The following VWA8 variants were observed in gnomAD, a reference collection of about 807,000 sequenced individuals.
VWA8 encodes von Willebrand factor A domain containing 8.
In VWA8, 221 loss-of-function variants were observed where a neutral mutation model predicts 241.5. That is an observed-to-expected ratio of 0.91 (90% CI 0.82 to 1.02). The LOEUF (loss-of-function observed/expected upper bound fraction) is 1.02. Among genes scored for constraint, VWA8 ranks in the 50% least tolerant of loss-of-function variants. The pLI is 0.00. For missense variants in VWA8, 2,322 were observed against 2,328.7 expected (o/e 1.00, Z 0.06); for synonymous variants, 852 against 827.1 (o/e 1.03, Z -0.52).
At chr13:41,919,490 G>C (rs1343713310) in intron 2 of VWA8, among the ~76,000 whole-genome samples, 3 of 152,096 alleles carry the variant, frequency 2.0e-5, no homozygotes, top group Admixed American at 2.0e-4. Flanking sequence ...CTGCTCCAGT[G>C]CATCCTGTTC....
chr13:41,587,757 G>T (rs867935009), intron 41 of VWA8, 87 bp from the exon 42 acceptor site: 1 of 1,528,044 alleles, frequency 6.5e-7, no homozygotes, highest in African/African-American at 1.4e-5. Flanking sequence ...AAGCTCCAGC[G>T]TGCCAGCCCC....
intron 37 of VWA8, among the ~76,000 whole-genome samples, chr13:41,626,320 C>T (rs2044690698): frequency 6.6e-6 from 1 of 152,056 alleles, no homozygotes; most frequent in Non-Finnish European, 1.5e-5. Flanking sequence ...GAAGACTCAA[C>T]ATTGTTAAAA....
intron 2 of VWA8, chr13:41,926,857 T>C: frequency 3.5e-6 from 2 of 577,032 alleles, no homozygotes; most frequent in South Asian, 2.8e-5. Flanking sequence ...CTTAATGATA[T>C]CTGTGTGGCA....
intron 4 of VWA8, among the ~76,000 whole-genome samples, chr13:41,901,423 T>C (rs529847933): frequency 2.7e-4 from 41 of 152,206 alleles, no homozygotes; most frequent in Non-Finnish European, 5.1e-4. Flanking sequence ...ATCTGTAAGA[T>C]GGAAAAGTCA....
intron 1 of VWA8, among the ~76,000 whole-genome samples, chr13:41,959,492 G>GC (rs1491558068): frequency 4.6e-4 from 14 of 30,112 alleles, no homozygotes; most frequent in Non-Finnish European, 9.6e-4. Flanking sequence ...TTGAGAAAAA[G>GC]CAAAAAAAAA....
chr13:41,582,110 T>G (rs895098095), intron 42 of VWA8, among the ~76,000 whole-genome samples: 1 of 152,170 alleles, frequency 6.6e-6, no homozygotes, highest in East Asian at 1.9e-4. Flanking sequence ...GTGAATGCTA[T>G]TCCCGGGAAT....
rs141042149 is a variant in VWA8, at chr13:41,754,820, A to G, written c.2426+6308T>C. 7.1e-3 allele frequency among the ~76,000 whole-genome samples: 1,083 copies of G among 152,094 alleles called. 9 individuals are homozygous for G. Among genetic ancestry groups the G allele is most frequent in the Middle Eastern group, 0.024 (7 of 294 alleles). ...TATCTCCACGAGTTCAATTGTTTTA[A>G]TTTTTAGCTCTTACAAATAAGTGAA... On this transcript the variant is annotated intron_variant, in intron 21 of 44. Transcript: ENST00000379310.
intron 22 of VWA8, among the ~76,000 whole-genome samples, chr13:41,730,436 A>G (rs2045473302): frequency 6.6e-6 from 1 of 151,248 alleles, no homozygotes; most frequent in Non-Finnish European, 1.5e-5. Flanking sequence ...TCTGGTGACA[A>G]TATGCGGAAT....
intron 9 of VWA8, among the ~76,000 whole-genome samples, chr13:41,870,894 A>C (rs1873569011): frequency 2.0e-5 from 3 of 152,202 alleles, no homozygotes; most frequent in Non-Finnish European, 4.4e-5. Context: ...GAATACACTA[A>C]GATAGTAAAA....
rs567317170 is a variant in VWA8 at position 41,779,003 on chromosome 13, G to A, written c.2278-947C>T. 3.3e-5 allele frequency among the ~76,000 whole-genome samples: 5 copies of A among 150,406 alleles called. No individual in the cohort carries two copies. The East Asian group carries it at 7.8e-4, about 23-fold the overall frequency. The stretch of plus-strand genomic sequence containing the variant: ...ACTACAGGTGCCTGCCACCACGCCC[G>A]GCTAATTTTTTGCATTTTTGGTAGA... On this transcript the variant is annotated intron_variant, in intron 19 of 44. Coordinates refer to ENST00000379310, the MANE Select transcript of VWA8 (RefSeq NM_015058.2).
intron 18 of VWA8, among the ~76,000 whole-genome samples, chr13:41,784,729 T>TATATATATATACATAC (rs772522331): frequency 3.3e-5 from 2 of 60,078 alleles, no homozygotes; most frequent in Non-Finnish European, 7.2e-5. Context: ...TATATATATA[T>TATATATATATACATAC]ACACACACAT....
At chr13:41,638,397 A>C (rs2044773040) in intron 37 of VWA8, among the ~76,000 whole-genome samples, 1 of 152,212 alleles carries the variant, frequency 6.6e-6, no homozygotes, top group South Asian at 2.1e-4. Flanking sequence ...AAACCACGGA[A>C]GTGAATGAAG....
chr13:41,709,545 CCT>C (rs1446051452), intron 26 of VWA8, among the ~76,000 whole-genome samples: 2 of 152,192 alleles, frequency 1.3e-5, no homozygotes, highest in Admixed American at 1.3e-4. Flanking sequence ...CTCATTTAAC[CCT>C]GAGTTAGTTG....
At chr13:41,895,631 C>T (rs887609411) in intron 4 of VWA8, among the ~76,000 whole-genome samples, 1 of 152,092 alleles carries the variant, frequency 6.6e-6, no homozygotes, top group African/African-American at 2.4e-5. Flanking sequence ...AAACTAACCA[C>T]CTGCCTAAAA....
At chr13:41,648,751 A>G (rs2044849663) in intron 37 of VWA8, among the ~76,000 whole-genome samples, 1 of 140,260 alleles carries the variant, frequency 7.1e-6, no homozygotes, top group Non-Finnish European at 1.5e-5. Context: ...AACACATAGA[A>G]GCACGGTACT....
intron 41 of VWA8, among the ~76,000 whole-genome samples, chr13:41,589,158 C>A (rs1425097195): frequency 6.6e-6 from 1 of 152,208 alleles, no homozygotes; most frequent in African/African-American, 2.4e-5. Flanking sequence ...CCCAGGAATA[C>A]AGGAGATCAC....
rs886403644 is a variant in VWA8, at chr13:41,960,997, G to C, written c.19C>G (p.Leu7Val). The C allele has an allele frequency of 7.2e-7, 1 of 1,392,320 alleles. No homozygotes were observed. Among genetic ancestry groups the C allele is most frequent in the African/African-American group, 1.5e-5 (1 of 66,012 alleles). The allele number at this position is 1,392,320 out of a possible 1,614,324, so 86.2% of individuals were successfully genotyped here. A position where few individuals can be genotyped will look rare whatever the true frequency, so the allele number is the denominator to read the frequency against. MQSRLL[L>V]LGAPGGHGGP... ...CCGTGGCCTCCGGGTGCCCCGAGGA[G>C]TAGAAGCCGGGATTGCATGGCGCCG... The change falls in exon 1 of 45, where the codon CTC becomes GTC. Residue 7 changes from leucine (L) to valine (V), a missense_variant. Physicochemically the swap from Leu to Val is conservative, Grantham distance 32. Transcript: ENST00000379310.
At chr13:41,583,642 C>CA (rs935505646) in intron 42 of VWA8, among the ~76,000 whole-genome samples, 1,591 of 41,434 alleles carry the variant, frequency 0.038, 16 homozygotes, top group African/African-American at 0.057. Flanking sequence ...GACTCCATCT[C>CA]AAAAAAAAAA....
chr13:41,916,625 C>A (rs1876269294), intron 2 of VWA8, among the ~76,000 whole-genome samples: 1 of 152,172 alleles, frequency 6.6e-6, no homozygotes, highest in African/African-American at 2.4e-5. Flanking sequence ...AAAAGCATGT[C>A]TATATTTAAT....
Sources: gnomAD v4.1 joint callset for allele counts (sites outside exome capture counted in the v4.1 genomes callset) on GRCh38, gnomAD v4.1.1 for gene constraint, MANE v1.5 for transcripts, NCBI Gene and HGNC (gene_info 2026-07-23, HGNC 2026-07-21) for gene names.